The following PTPRG variants were observed in gnomAD, a reference collection of about 807,000 sequenced individuals.
The protein encoded by PTPRG is receptor-type tyrosine-protein phosphatase gamma.
Under a neutral mutation model 165.3 loss-of-function variants are expected in PTPRG, and 102 were observed. That is an observed-to-expected ratio of 0.62 (90% confidence interval 0.53 to 0.73). The LOEUF is 0.73. Among genes scored for constraint, PTPRG ranks in the 30% least tolerant of loss-of-function variants. The pLI, the probability that PTPRG is intolerant of heterozygous loss-of-function variation, is 0.00. For missense variants in PTPRG, 1,866 were observed against 1,861.4 expected (o/e 1.00, Z -0.05); for synonymous variants, 675 against 669.5 (o/e 1.01, Z -0.13).
intron 2 of PTPRG, among the ~76,000 whole-genome samples, chr3:61,938,998 A>G (rs1245340611): frequency 6.6e-6 from 1 of 152,140 alleles, no homozygotes; most frequent in Non-Finnish European, 1.5e-5. Flanking sequence ...GCTTGGGATC[A>G]CCCCCTGCAG....
chr3:61,642,846 G>A (rs1015461405), intron 1 of PTPRG, among the ~76,000 whole-genome samples: 1 of 152,170 alleles, frequency 6.6e-6, no homozygotes, highest in Non-Finnish European at 1.5e-5. Flanking sequence ...TCAATGAATT[G>A]ATGGATCTGG....
intron 1 of PTPRG, among the ~76,000 whole-genome samples, chr3:61,703,133 G>C (rs1421008157): frequency 6.6e-6 from 1 of 151,942 alleles, no homozygotes. Context: ...TTCTCCCCAG[G>C]TAAGGAAGTT....
rs144337036 is a variant in PTPRG at position 62,087,418 on chromosome 3, T to C, written c.615+9160T>C. Among the ~76,000 whole-genome samples, 6 of 152,330 alleles carry C rather than the reference T, an allele frequency of 3.9e-5. No individual in the cohort carries two copies. The East Asian group carries it at 9.6e-4, about 24-fold the overall frequency. The stretch of plus-strand genomic sequence containing the variant: ...TCTTACCTCTCTTTCCTCCCCCAGA[T>C]AAATTAGTTGCAAGATGTTTCTAAA... On this transcript the variant is annotated intron_variant, in intron 5 of 29. Coordinates refer to ENST00000474889, the MANE Select transcript of PTPRG (RefSeq NM_002841.4).
intron 2 of PTPRG, among the ~76,000 whole-genome samples, chr3:61,956,217 T>C (rs1025429283): frequency 6.6e-6 from 1 of 152,104 alleles, no homozygotes; most frequent in Non-Finnish European, 1.5e-5. Context: ...ATTCCGTTAA[T>C]TACTTGTGTA....
At chr3:61,881,026 A>C (rs1002772772) in intron 2 of PTPRG, among the ~76,000 whole-genome samples, 5 of 148,044 alleles carry the variant, frequency 3.4e-5, no homozygotes, top group African/African-American at 1.0e-4. Flanking sequence ...CCCTCTTGGC[A>C]TTCTTAATAT....
chr3:61,841,175 G>A (rs542935126), intron 2 of PTPRG, among the ~76,000 whole-genome samples: 2 of 152,088 alleles, frequency 1.3e-5, no homozygotes, highest in African/African-American at 4.8e-5. Flanking sequence ...TATTGGGACC[G>A]TTATAGAAGT....
chr3:61,592,341 T>C (rs1233880382), intron 1 of PTPRG, among the ~76,000 whole-genome samples: 1 of 152,134 alleles, frequency 6.6e-6, no homozygotes, highest in Non-Finnish European at 1.5e-5. Context: ...GGATAAGACG[T>C]GTTCCCGCCT....
At chr3:61,990,899 C>CT (rs10662494) in intron 3 of PTPRG, among the ~76,000 whole-genome samples, 17,129 of 139,152 alleles carry the variant, frequency 0.12, 1,164 homozygotes, top group Middle Eastern at 0.24. Context: ...ACAAAGTTGC[C>CT]TTTTTTTTTT....
At chr3:62,060,464 G>GC (rs1399833782) in intron 4 of PTPRG, among the ~76,000 whole-genome samples, 2 of 152,190 alleles carry the variant, frequency 1.3e-5, no homozygotes, top group Non-Finnish European at 2.9e-5. Context: ...GGAGCAAGAA[G>GC]CGTTCTCTTT....
intron 5 of PTPRG, among the ~76,000 whole-genome samples, chr3:62,126,420 A>C (rs1486443968): frequency 6.6e-6 from 1 of 152,200 alleles, no homozygotes; most frequent in East Asian, 1.9e-4. Flanking sequence ...TCCGTGCTCA[A>C]GCTGCGTTTG....
At chr3:62,051,590 A>C (rs1034466401) in intron 4 of PTPRG, among the ~76,000 whole-genome samples, 3 of 152,182 alleles carry the variant, frequency 2.0e-5, no homozygotes, top group Admixed American at 2.0e-4. Context: ...TCAAATTTCT[A>C]ATCTTGTTCC....
At position 61,811,935 on chromosome 3, in the gene PTPRG, C is replaced by T. The variant is rs1037630133; in HGVS notation, c.190+62953C>T. 2.0e-5 allele frequency among the ~76,000 whole-genome samples: 3 copies of T among 152,150 alleles called. No homozygotes were observed. In the East Asian group the frequency reaches 5.8e-4, roughly 29 times the overall value. On this transcript the variant is annotated intron_variant, in intron 2 of 29. Coordinates refer to ENST00000474889, the MANE Select transcript of PTPRG (RefSeq NM_002841.4). ...TTTAGATTATTGTTCATCTTGAGCT[C>T]TGCGCTTTCTCTCCATTTGTTGTGG...
intron 2 of PTPRG, among the ~76,000 whole-genome samples, chr3:61,776,859 T>A (rs2107056992): frequency 6.6e-6 from 1 of 152,260 alleles, no homozygotes; most frequent in Middle Eastern, 3.4e-3. Context: ...CCAGATTTTT[T>A]ATTTTGCTCC....
intron 2 of PTPRG, among the ~76,000 whole-genome samples, chr3:61,904,118 A>G (rs1463176910): frequency 6.6e-6 from 1 of 152,164 alleles, no homozygotes; most frequent in Admixed American, 6.5e-5. Context: ...GGACTGATCC[A>G]GCCTGTGCCT....
chr3:61,684,639 G>T (rs1703563212), intron 1 of PTPRG, among the ~76,000 whole-genome samples: 1 of 152,158 alleles, frequency 6.6e-6, no homozygotes, highest in Non-Finnish European at 1.5e-5. Flanking sequence ...CATAAAAGCG[G>T]GGGCCTCTGA....
At chr3:61,822,284 CG>C (rs938173476) in intron 2 of PTPRG, among the ~76,000 whole-genome samples, 1 of 152,166 alleles carries the variant, frequency 6.6e-6, no homozygotes, top group Non-Finnish European at 1.5e-5. Flanking sequence ...TTGGGTTTCA[CG>C]TTGTAATTGG....
At position 61,728,678 on chromosome 3, in the gene PTPRG, A is replaced by AT. The variant is rs201858261; in HGVS notation, c.86-20192dup. Among the ~76,000 whole-genome samples the AT allele has an allele frequency of 4.0e-3, 543 of 135,782 alleles. 4 individuals carry two copies. Among genetic ancestry groups the AT allele is most frequent in the African/African-American group, 0.014 (519 of 37,482 alleles). 89.1% of individuals were successfully genotyped at this position (135,782 alleles called of 152,430 possible). Reference sequence around the variant, plus strand: ...AAGATGATCTAGCTAAGAGCTATGTATTTTTTTTGTATCTTATTATTTTAT... The same window carrying AT: ...AAGATGATCTAGCTAAGAGCTATGTATTTTTTTTTGTATCTTATTATTTTAT... On this transcript the variant is annotated intron_variant, in intron 1 of 29. Transcript: ENST00000474889.
At chr3:62,199,635 G>T (rs1177678136) in intron 10 of PTPRG, among the ~76,000 whole-genome samples, 1 of 152,086 alleles carries the variant, frequency 6.6e-6, no homozygotes, top group Non-Finnish European at 1.5e-5. Flanking sequence ...AATATATGTG[G>T]GTCACTTGCC....
chr3:61,668,327 G>A (rs904760466), intron 1 of PTPRG, among the ~76,000 whole-genome samples: 2 of 152,206 alleles, frequency 1.3e-5, no homozygotes, highest in African/African-American at 4.8e-5. Flanking sequence ...GCATTTGGGG[G>A]AAGAGAAAGG....
Sources: gnomAD v4.1 joint callset for allele counts (sites outside exome capture counted in the v4.1 genomes callset) on GRCh38, gnomAD v4.1.1 for gene constraint, MANE v1.5 for transcripts, NCBI Gene and HGNC (gene_info 2026-07-23, HGNC 2026-07-21) for gene names.